Variants in PARVB observed in about 807,000 individuals in gnomAD.
The protein encoded by PARVB is beta-parvin.
Under a neutral mutation model 47.0 loss-of-function variants are expected in PARVB, and 46 were observed. That is an observed-to-expected ratio of 0.98 (90% CI 0.77 to 1.25). The LOEUF is 1.25. Ranked by LOEUF, PARVB falls within the 50% of genes most tolerant of loss-of-function variation. The pLI is 0.00. For synonymous variants in PARVB, 196 were observed against 196.3 expected (o/e 1.00, Z 0.01); for missense variants, 473 against 471.6 (o/e 1.00, Z -0.03).
intron 8 of PARVB, chr22:44,140,531 G>C (rs769395054): frequency 2.7e-5 from 15 of 559,476 alleles, no homozygotes; most frequent in Non-Finnish European, 4.5e-5. Flanking sequence ...GAGTGGCTCA[G>C]CTCTGTGGAT....
intron 1 of PARVB, among the ~76,000 whole-genome samples, chr22:44,063,455 G>T (rs567484150): frequency 6.6e-6 from 1 of 152,216 alleles, no homozygotes; most frequent in East Asian, 1.9e-4. Flanking sequence ...TCAAACTCCT[G>T]ACCTCAGGTG....
chr22:43,999,522 T>C, intron 1 of PARVB: 1 of 1,571,360 alleles, frequency 6.4e-7, no homozygotes, highest in Non-Finnish European at 8.8e-7. Flanking sequence ...AAATGTTCAT[T>C]CCTACCTGCA....
intron 2 of PARVB, among the ~76,000 whole-genome samples, chr22:44,007,129 G>T (rs1382861100): frequency 6.6e-6 from 1 of 152,250 alleles, no homozygotes; most frequent in Admixed American, 6.5e-5. Flanking sequence ...TTGGGGGACA[G>T]CGATCAAGCT....
intron 1 of PARVB, among the ~76,000 whole-genome samples, chr22:44,048,717 A>G (rs1262514461): frequency 6.6e-6 from 1 of 152,094 alleles, no homozygotes; most frequent in Admixed American, 6.6e-5. Context: ...GTCCGCCACC[A>G]TGCCTGGCTA....
chr22:44,104,434 G>A (rs1345611883), intron 3 of PARVB: 1 of 152,476 alleles, frequency 6.6e-6, no homozygotes, highest in Admixed American at 6.5e-5. Context: ...AGTTCTCACT[G>A]ACTATAGCCT....
At chr22:44,147,646 T>C in intron 8 of PARVB, 1 of 737,878 alleles carries the variant, frequency 1.4e-6, no homozygotes, top group Non-Finnish European at 2.5e-6. Context: ...CACGCTGTTC[T>C]GGTTGTTCCC....
At chr22:44,127,550 C>T (rs769788864) in intron 4 of PARVB, among the ~76,000 whole-genome samples, 15 of 152,112 alleles carry the variant, frequency 9.9e-5, no homozygotes, top group East Asian at 1.9e-4. Flanking sequence ...TCTGTGCATC[C>T]GTAGTAGAGA....
intron 8 of PARVB, 138 bp from the exon 9 acceptor site, chr22:44,147,723 G>T: frequency 1.3e-6 from 1 of 790,794 alleles, no homozygotes. Flanking sequence ...ATTCTGGTAG[G>T]AATTGGAAGG....
At chr22:44,126,593 G>C (rs1039895473) in intron 4 of PARVB, among the ~76,000 whole-genome samples, 1 of 152,168 alleles carries the variant, frequency 6.6e-6, no homozygotes, top group African/African-American at 2.4e-5. Flanking sequence ...TGAGTGGCTG[G>C]TTATGGTAGA....
intron 1 of PARVB, among the ~76,000 whole-genome samples, chr22:44,052,458 G>A (rs2267601): frequency 0.47 from 71,250 of 152,010 alleles, 17,276 homozygotes; most frequent in East Asian, 0.53. Flanking sequence ...CCTTGAAAAT[G>A]TCAAAACATT....
chr22:44,163,768 T>C, intron 11 of PARVB, 90 bp from the exon 12 acceptor site: 1 of 1,146,268 alleles, frequency 8.7e-7, no homozygotes, highest in Non-Finnish European at 1.3e-6. Flanking sequence ...AGAGGCTCGG[T>C]CCTGTCCATG....
intron 4 of PARVB, among the ~76,000 whole-genome samples, chr22:44,123,166 T>A (rs1207971402): frequency 6.6e-6 from 1 of 152,190 alleles, no homozygotes; most frequent in Non-Finnish European, 1.5e-5. Flanking sequence ...TGTGCAGACA[T>A]GATGTAATAT....
intron 1 of PARVB, among the ~76,000 whole-genome samples, chr22:44,066,574 GCCT>G (rs1297353377): frequency 6.6e-6 from 1 of 152,166 alleles, no homozygotes; most frequent in Admixed American, 6.5e-5. Context: ...CTTGAGTGAT[GCCT>G]GGCACACAGT....
At chr22:44,075,935 T>G (rs1222826234) in intron 1 of PARVB, among the ~76,000 whole-genome samples, 2 of 152,230 alleles carry the variant, frequency 1.3e-5, no homozygotes, top group Admixed American at 6.5e-5. Context: ...CCCAGGCCCC[T>G]GCCCTGAGGT....
In PARVB at chr22:44,159,053, A is replaced by T. The variant is rs538437857; in HGVS notation, c.945+970A>T. Among the ~76,000 whole-genome samples the T allele has an allele frequency of 4.6e-5, 7 of 150,992 alleles. No homozygotes were observed. In the South Asian group the frequency reaches 1.1e-3, roughly 24 times the overall value. ...AGAGAGGTCTTGGCACATGGAGTCCATGTTGAATCGAGAGAGAGAGAGCGA... is the reference window on the plus strand; with the variant it reads ...AGAGAGGTCTTGGCACATGGAGTCCTTGTTGAATCGAGAGAGAGAGAGCGA... On this transcript the variant is annotated intron_variant, in intron 11 of 12. Transcript: ENST00000338758.
intron 2 of PARVB, among the ~76,000 whole-genome samples, chr22:44,098,781 A>G (rs550410689): frequency 6.6e-6 from 1 of 152,294 alleles, no homozygotes; most frequent in African/African-American, 2.4e-5. Context: ...GTCAGCAGCA[A>G]AGTTTCACTC....
intron 8 of PARVB, chr22:44,146,260 G>C (rs1374366572): frequency 7.8e-6 from 1 of 127,610 alleles, no homozygotes; most frequent in Non-Finnish European, 1.6e-5. Flanking sequence ...ACGTACACAC[G>C]CTCACAGCAC....
intron 1 of PARVB, among the ~76,000 whole-genome samples, chr22:44,033,554 T>G (rs1384418744): frequency 6.6e-6 from 1 of 152,208 alleles, no homozygotes; most frequent in Non-Finnish European, 1.5e-5. Flanking sequence ...TGATAGTAGT[T>G]GGAGGCCTGC....
intron 1 of PARVB, among the ~76,000 whole-genome samples, chr22:44,035,394 G>T (rs1438466306): frequency 1.4e-4 from 19 of 132,434 alleles, no homozygotes; most frequent in Non-Finnish European, 2.0e-4. Flanking sequence ...TTTTTGAGAC[G>T]GAGTCTCGCT....
Sources: gnomAD v4.1 joint callset for allele counts (sites outside exome capture counted in the v4.1 genomes callset) on GRCh38, gnomAD v4.1.1 for gene constraint, MANE v1.5 for transcripts, NCBI Gene and HGNC (gene_info 2026-07-23, HGNC 2026-07-21) for gene names.